Variants in HHLA2 observed in about 807,000 individuals in gnomAD.
The protein encoded by HHLA2 is HERV-H LTR-associating protein 2.
A neutral mutation model predicts 45.9 loss-of-function variants in HHLA2; 48 were observed. The observed-to-expected ratio is 1.05, with a 90% CI of 0.83 to 1.33. The LOEUF is 1.33. Ranked by LOEUF, HHLA2 falls within the 40% of genes most tolerant of loss-of-function variation. The probability of loss-of-function intolerance (pLI) is 0.00; values close to 1 mark genes in which losing one functional copy is unlikely to be tolerated. For synonymous variants in HHLA2, 161 were observed against 173.9 expected, an observed-to-expected ratio of 0.93 and a Z score of 0.59; for missense variants, 462 against 494.3, an observed-to-expected ratio of 0.93 and a Z score of 0.62.
chr3:108,321,512 C>T lies in HHLA2; in HGVS notation c.-104-6758C>T, dbSNP rs139972286. 2.9e-3 allele frequency among the ~76,000 whole-genome samples: 435 copies of T among 152,246 alleles called. 2 individuals are homozygous for T. The highest frequency in any genetic ancestry group is 4.1e-3 in the Non-Finnish European group (279 of 68,020). On this transcript the variant is annotated intron_variant, in intron 2 of 10. Transcript: ENST00000619531. The stretch of plus-strand genomic sequence containing the variant: ...GTTTTCTTTTTGCTGGCAAGTCATG[C>T]TGTTGCAAAGTCTGAAGCCACTATG...
At chr3:108,296,715 C>T (rs2080767048) in intron 1 of HHLA2, 116 bp downstream of exon 1, 1 of 152,200 alleles carries the variant, frequency 6.6e-6, no homozygotes, top group Non-Finnish European at 1.5e-5. Context: ...AAATTAGTGA[C>T]TGATCTTTTA....
intron 3 of HHLA2, among the ~76,000 whole-genome samples, chr3:108,337,065 A>G (rs1476141650): frequency 6.6e-6 from 1 of 152,102 alleles, no homozygotes; most frequent in Non-Finnish European, 1.5e-5. Context: ...GAGTAGTACT[A>G]TTCAAAGTGG....
exon 11 of HHLA2, chr3:108,377,385 C>G (rs2082293709): frequency 2.7e-6 from 2 of 749,990 alleles, no homozygotes; most frequent in Non-Finnish European, 4.6e-6. Context: ...TCGGAGCAGA[C>G]AATTCTACCA....
At chr3:108,350,810 G>C (rs2107451313) in intron 3 of HHLA2, among the ~76,000 whole-genome samples, 1 of 152,162 alleles carries the variant, frequency 6.6e-6, no homozygotes, top group East Asian at 1.9e-4. Context: ...TCAGCCTCTT[G>C]AGTAGCTGGG....
chr3:108,329,137 T>G (rs1442354830), intron 3 of HHLA2, among the ~76,000 whole-genome samples: 5 of 152,136 alleles, frequency 3.3e-5, no homozygotes, highest in Admixed American at 6.5e-5. Context: ...TGTAGATCAT[T>G]TAGTCAAATT....
intron 3 of HHLA2, among the ~76,000 whole-genome samples, chr3:108,337,074 G>T (rs1009963341): frequency 1.3e-5 from 2 of 152,114 alleles, no homozygotes; most frequent in Non-Finnish European, 2.9e-5. Context: ...TATTCAAAGT[G>T]GGGGGTCTGC....
chr3:108,358,223 C>A, intron 7 of HHLA2, 62 bp downstream of exon 6: 1 of 1,204,106 alleles, frequency 8.3e-7, no homozygotes, highest in Non-Finnish European at 1.2e-6. Flanking sequence ...TTGTGAATAT[C>A]AAAGAGAAAA....
At chr3:108,301,353 G>A in intron 1 of HHLA2, among the ~76,000 whole-genome samples, 1 of 152,050 alleles carries the variant, frequency 6.6e-6, no homozygotes, top group East Asian at 1.9e-4. Context: ...AGACGTGACT[G>A]CAGAAATAGA....
intron 2 of HHLA2, among the ~76,000 whole-genome samples, chr3:108,319,616 T>C (rs963874244): frequency 2.6e-5 from 4 of 152,240 alleles, no homozygotes; most frequent in Non-Finnish European, 5.9e-5. Context: ...TTTTAGGTAC[T>C]TGAAGTTCCT....
Position 108,358,033 on chromosome 3 carries a change from AAG to A in HHLA2, c.878_879del (p.Glu293AlafsTer6). 6.2e-7 allele frequency: 1 copy of A among 1,613,802 alleles called. No individual in the cohort carries two copies. Among genetic ancestry groups the A allele is most frequent in the Non-Finnish European group, 8.5e-7 (1 of 1,179,712 alleles). ...AATGAATCCCGATTCTCATGGAACAAAGAGCTGATAAACCAGAGTGACTTCTC... is the reference window on the plus strand; with the variant it reads ...AATGAATCCCGATTCTCATGGAACAAAGCTGATAAACCAGAGTGACTTCTC... On this transcript the variant is annotated frameshift_variant, in exon 7 of 11. Transcript: ENST00000619531. LOFTEE classifies it high-confidence loss of function.
At chr3:108,315,182 C>G (rs2081082315) in intron 2 of HHLA2, among the ~76,000 whole-genome samples, 1 of 152,202 alleles carries the variant, frequency 6.6e-6, no homozygotes, top group African/African-American at 2.4e-5. Context: ...CCTCTTGCCT[C>G]TCTGCCCTTA....
At chr3:108,311,156 A>G (rs1422134732) in intron 2 of HHLA2, among the ~76,000 whole-genome samples, 2 of 152,134 alleles carry the variant, frequency 1.3e-5, no homozygotes, top group Non-Finnish European at 2.9e-5. Context: ...AGAGAACAAC[A>G]CCTGGGAAGC....
chr3:108,325,397 C>A (rs77916722), intron 2 of HHLA2: 23,860 of 336,306 alleles, frequency 0.071, 1,070 homozygotes, highest in Admixed American at 0.088. Flanking sequence ...AGCAGGTAGG[C>A]CTTGCCACCA....
At chr3:108,374,506 G>A (rs1409026171) in intron 8 of HHLA2, among the ~76,000 whole-genome samples, 1 of 149,856 alleles carries the variant, frequency 6.7e-6, no homozygotes, top group East Asian at 2.0e-4. Context: ...AAGAGCTTCT[G>A]CACAGCAAAA....
At chr3:108,306,455 G>C (rs1001695774) in intron 1 of HHLA2, among the ~76,000 whole-genome samples, 2 of 152,110 alleles carry the variant, frequency 1.3e-5, no homozygotes, top group African/African-American at 4.8e-5. Flanking sequence ...AAGTTTGGTA[G>C]AATTTGTCTG....
At chr3:108,314,512 G>A (rs2081071299) in intron 2 of HHLA2, among the ~76,000 whole-genome samples, 1 of 152,044 alleles carries the variant, frequency 6.6e-6, no homozygotes, top group Non-Finnish European at 1.5e-5. Context: ...GCAGGGATGG[G>A]GAGGGGTTTT....
intron 1 of HHLA2, among the ~76,000 whole-genome samples, chr3:108,301,540 C>G (rs2080848694): frequency 1.3e-5 from 2 of 151,904 alleles, no homozygotes; most frequent in Admixed American, 1.3e-4. Flanking sequence ...CACCCCACCA[C>G]AATTTTCCTC....
intron 3 of HHLA2, among the ~76,000 whole-genome samples, chr3:108,331,054 A>G (rs1408609436): frequency 6.6e-6 from 1 of 152,120 alleles, no homozygotes; most frequent in Non-Finnish European, 1.5e-5. Flanking sequence ...CAGCTGCCGC[A>G]GTTTATTAGG....
chr3:108,362,412 T>C, exon 8 of HHLA2: 1 of 1,612,300 alleles, frequency 6.2e-7, no homozygotes, highest in Non-Finnish European at 8.5e-7. Flanking sequence ...TTTTGGCAGC[T>C]TTTCTGCTGA....
Sources: allele counts gnomAD v4.1 joint callset (sites outside exome capture counted in the v4.1 genomes callset), GRCh38; gene constraint gnomAD v4.1.1; transcripts MANE v1.5; gene names NCBI Gene and HGNC (gene_info 2026-07-23, HGNC 2026-07-21).